The following NCOA2 variants were observed in gnomAD, a reference collection of about 807,000 sequenced individuals.
NCOA2 encodes nuclear receptor coactivator 2, also known as class E basic helix-loop-helix protein 75.
Under a neutral mutation model 145.1 loss-of-function variants are expected in NCOA2, and 21 were observed. The ratio of observed to expected loss-of-function variants is 0.14; its 90% CI spans 0.10 to 0.21. The LOEUF is 0.21. Ranked by LOEUF, NCOA2 falls within the 10% of genes least tolerant of loss-of-function variation. The pLI, the probability that NCOA2 is intolerant of heterozygous loss-of-function variation, is 1.00. For missense variants in NCOA2, 1,472 were observed against 1,837.6 expected (o/e 0.80, Z 3.64); for synonymous variants, 619 against 637.5 (o/e 0.97, Z 0.44).
At chr8:70,297,050 A>G (rs748407499) in intron 1 of NCOA2, among the ~76,000 whole-genome samples, 6 of 152,210 alleles carry the variant, frequency 3.9e-5, no homozygotes, top group Admixed American at 6.5e-5. Context: ...TGAATTATGA[A>G]GTGCCTACAA....
chr8:70,168,124 G>A (rs1052236476), intron 6 of NCOA2, among the ~76,000 whole-genome samples: 4 of 152,138 alleles, frequency 2.6e-5, no homozygotes, highest in African/African-American at 7.2e-5. Flanking sequence ...GTGTTACAGC[G>A]AATCCAATGG....
At chr8:70,149,645 A>C (rs942465685) in intron 11 of NCOA2, among the ~76,000 whole-genome samples, 6 of 152,110 alleles carry the variant, frequency 3.9e-5, no homozygotes, top group African/African-American at 1.4e-4. Context: ...CACACTTAGC[A>C]CTTTTCTGCT....
intron 2 of NCOA2, among the ~76,000 whole-genome samples, chr8:70,287,664 A>G (rs1826334876): frequency 6.6e-6 from 1 of 152,238 alleles, no homozygotes; most frequent in Admixed American, 6.5e-5. Flanking sequence ...GAAGCCACGA[A>G]ACAGCATAAT....
At chr8:70,233,270 C>T (rs1003230903) in intron 2 of NCOA2, among the ~76,000 whole-genome samples, 1 of 151,934 alleles carries the variant, frequency 6.6e-6, no homozygotes, top group South Asian at 2.1e-4. Flanking sequence ...TTCATTATAA[C>T]CCCAGAAGGG....
the NCOA2 span, among the ~76,000 whole-genome samples, chr8:70,453,626 T>A: frequency 1.3e-5 from 2 of 152,190 alleles, no homozygotes; most frequent in Non-Finnish European, 1.5e-5. Flanking sequence ...TTAAATAAAA[T>A]CCCCTGAAGT....
intron 1 of NCOA2, among the ~76,000 whole-genome samples, chr8:70,394,080 C>A (rs1439830485): frequency 6.6e-6 from 1 of 152,184 alleles, no homozygotes; most frequent in Non-Finnish European, 1.5e-5. Context: ...CATGTGGTTT[C>A]CCATTTCCTT....
At chr8:70,197,174 T>C (rs1817415779) in intron 4 of NCOA2, among the ~76,000 whole-genome samples, 1 of 152,230 alleles carries the variant, frequency 6.6e-6, no homozygotes, top group African/African-American at 2.4e-5. Context: ...TATTTAAACA[T>C]TACCCATATG....
At chr8:70,383,145 C>T (rs1161888669) in intron 1 of NCOA2, among the ~76,000 whole-genome samples, 5 of 152,190 alleles carry the variant, frequency 3.3e-5, no homozygotes, top group African/African-American at 9.7e-5. Flanking sequence ...CACAGGTACG[C>T]GCTTCCAGAG....
intron 1 of NCOA2, among the ~76,000 whole-genome samples, chr8:70,342,225 A>G (rs1280220660): frequency 6.6e-6 from 1 of 152,170 alleles, no homozygotes; most frequent in Non-Finnish European, 1.5e-5. Flanking sequence ...AAATATCTGG[A>G]TTATTTAAAT....
chr8:70,354,033 T>C (rs1052368196), intron 1 of NCOA2, among the ~76,000 whole-genome samples: 1 of 152,110 alleles, frequency 6.6e-6, no homozygotes, highest in Non-Finnish European at 1.5e-5. Context: ...AATGAAACCA[T>C]TTCTCCTTTA....
intron 1 of NCOA2, among the ~76,000 whole-genome samples, chr8:70,376,614 T>TA (rs1176334912): frequency 6.6e-6 from 1 of 152,228 alleles, no homozygotes; most frequent in African/African-American, 2.4e-5. Flanking sequence ...TTCTGTTAGA[T>TA]AAATAAGTGC....
intron 22 of NCOA2, among the ~76,000 whole-genome samples, chr8:70,119,758 C>A (rs938875717): frequency 6.6e-5 from 10 of 152,086 alleles, no homozygotes; most frequent in Non-Finnish European, 1.3e-4. Flanking sequence ...AAGATGGTAT[C>A]TCCTTATGGT....
chr8:70,376,170 C>T (rs1563821325), intron 1 of NCOA2, among the ~76,000 whole-genome samples: 1 of 152,054 alleles, frequency 6.6e-6, no homozygotes, highest in Non-Finnish European at 1.5e-5. Flanking sequence ...TTTCCAAATA[C>T]AAAATGCAGT....
At chr8:70,433,537 A>G in the NCOA2 span, among the ~76,000 whole-genome samples, 1 of 152,162 alleles carries the variant, frequency 6.6e-6, no homozygotes, top group Non-Finnish European at 1.5e-5. Flanking sequence ...GTAGAGTGTG[A>G]GTGGTGATGG....
At chr8:70,187,933 A>G (rs115248514) in intron 4 of NCOA2, among the ~76,000 whole-genome samples, 1,821 of 152,282 alleles carry the variant, frequency 0.012, 49 homozygotes, top group African/African-American at 0.042. Flanking sequence ...ACCCAATGGC[A>G]TTTTTCCCCC....
chr8:70,373,532 G>C (rs937927800), intron 1 of NCOA2, among the ~76,000 whole-genome samples: 1 of 152,146 alleles, frequency 6.6e-6, no homozygotes, highest in African/African-American at 2.4e-5. Flanking sequence ...TAGAACAGCA[G>C]ACAGCTTTAT....
intron 15 of NCOA2, among the ~76,000 whole-genome samples, chr8:70,135,533 A>C (rs1172476580): frequency 6.6e-6 from 1 of 152,154 alleles, no homozygotes; most frequent in African/African-American, 2.4e-5. Context: ...TGGTGTTATA[A>C]ATTTGGGCAT....
intron 2 of NCOA2, among the ~76,000 whole-genome samples, chr8:70,245,537 TTC>T (rs763809163): frequency 1.3e-5 from 2 of 151,952 alleles, no homozygotes; most frequent in Non-Finnish European, 2.9e-5. Context: ...CTCCCTCTCC[TTC>T]TCTCTCACAC....
intron 11 of NCOA2, among the ~76,000 whole-genome samples, chr8:70,155,326 C>T (rs1585868986): frequency 6.6e-6 from 1 of 152,166 alleles, no homozygotes; most frequent in East Asian, 1.9e-4. Context: ...GGTAGAACGA[C>T]CTTCATTGGG....
Sources: allele counts gnomAD v4.1 joint callset (sites outside exome capture counted in the v4.1 genomes callset), GRCh38; gene constraint gnomAD v4.1.1; transcripts MANE v1.5; gene names NCBI Gene and HGNC (gene_info 2026-07-23, HGNC 2026-07-21).